Variants in DCBLD1 observed in about 807,000 individuals in gnomAD.
DCBLD1 encodes the protein discoidin, CUB and LCCL domain containing 1.
DCBLD1 carries 57 observed loss-of-function variants against 71.5 expected under a neutral mutation model. The ratio of observed to expected loss-of-function variants is 0.80; its 90% CI spans 0.64 to 0.99. DCBLD1 has a LOEUF of 0.99. DCBLD1 is among the 50% of genes least tolerant of loss of function. The pLI, the probability that DCBLD1 is intolerant of heterozygous loss-of-function variation, is 0.00. For synonymous variants in DCBLD1, 380 were observed against 363.8 expected, an observed-to-expected ratio of 1.04 and a Z score of -0.51; for missense variants, 891 against 923.5, an observed-to-expected ratio of 0.96 and a Z score of 0.46.
At chr6:117,505,340 C>CGG (rs1777803341) in intron 2 of DCBLD1, among the ~76,000 whole-genome samples, 2 of 151,982 alleles carry the variant, frequency 1.3e-5, no homozygotes, top group African/African-American at 4.8e-5. Flanking sequence ...CCTCATTAGC[C>CGG]AGGAGATTTC....
intron 1 of DCBLD1, 79 bp from the exon 2 acceptor site, chr6:117,503,688 G>A: frequency 1.4e-6 from 2 of 1,451,516 alleles, no homozygotes; most frequent in Non-Finnish European, 1.9e-6. Context: ...ATAACTTGGA[G>A]ATTGTATTGG....
At position 117,538,740 on chromosome 6, in the gene DCBLD1, A is replaced by G. The variant is rs1338565971; in HGVS notation, c.881A>G (p.Asp294Gly). The G allele has an allele frequency of 6.2e-7, 1 of 1,614,204 alleles. No individual in the cohort carries two copies. The highest frequency in any genetic ancestry group is 2.2e-5 in the East Asian group (1 of 44,882). Reference sequence around the variant, plus strand: ...TCTCCTGGCCAAGCCCGACTTCAGGACCAAGGCCCATCATGGGCTTCGGGC... The same window carrying G: ...TCTCCTGGCCAAGCCCGACTTCAGGGCCAAGGCCCATCATGGGCTTCGGGC... Reference protein sequence around the residue: ...HWSPGQARLQDQGPSWASGDS... With the variant: ...HWSPGQARLQGQGPSWASGDS... Residue 294 changes from aspartate to glycine, a missense_variant, in exon 8 of 15, where the codon GAC becomes GGC. Asp to Gly is a moderately conservative substitution (Grantham distance 94). Coordinates refer to ENST00000338728, the MANE Select transcript of DCBLD1 (RefSeq NM_001366458.2).
intron 1 of DCBLD1, among the ~76,000 whole-genome samples, chr6:117,498,408 C>T (rs1043359508): frequency 6.6e-6 from 1 of 152,108 alleles, no homozygotes; most frequent in Non-Finnish European, 1.5e-5. Flanking sequence ...AAATTACAGT[C>T]GAAAGGAAGG....
intron 1 of DCBLD1, among the ~76,000 whole-genome samples, chr6:117,490,143 T>C (rs1777241619): frequency 6.6e-6 from 1 of 151,882 alleles, no homozygotes; most frequent in African/African-American, 2.4e-5. Flanking sequence ...CAAATACATG[T>C]GTGTACACAC....
At position 117,544,662 on chromosome 6, in the gene DCBLD1, G is replaced by A; in HGVS notation, c.1495+85G>A. ...GATTGAAAGCATAAGGAGGCCAGTG[G>A]CCCACATTTATTTGGTTAAAAGACA... On this transcript the variant is annotated intron_variant, in intron 13 of 14. Coordinates refer to ENST00000338728, the MANE Select transcript of DCBLD1 (RefSeq NM_001366458.2). 2.0e-6 allele frequency: 3 copies of A among 1,465,452 alleles called. No individual in the cohort carries two copies. In the East Asian group the frequency reaches 6.8e-5, roughly 33 times the overall value. The allele number at this position is 1,465,452 out of a possible 1,614,324, so 90.8% of individuals were successfully genotyped here. A position where few individuals can be genotyped will look rare whatever the true frequency, so the allele number is the denominator to read the frequency against.
At chr6:117,499,528 A>G (rs1029404440) in intron 1 of DCBLD1, among the ~76,000 whole-genome samples, 1 of 152,204 alleles carries the variant, frequency 6.6e-6, no homozygotes, top group African/African-American at 2.4e-5. Context: ...GGCAAACTTG[A>G]TTGACATTAT....
At chr6:117,524,693 AAG>A (rs1244434270) in intron 4 of DCBLD1, among the ~76,000 whole-genome samples, 1 of 151,548 alleles carries the variant, frequency 6.6e-6, no homozygotes, top group Non-Finnish European at 1.5e-5. Flanking sequence ...AAATCAAAAA[AAG>A]AGAAAATATC....
intron 14 of DCBLD1, among the ~76,000 whole-genome samples, chr6:117,564,194 G>C (rs983602210): frequency 2.6e-5 from 4 of 151,946 alleles, no homozygotes; most frequent in Non-Finnish European, 5.9e-5. Flanking sequence ...TGCCCAGGTT[G>C]GTAACTCCTG....
At chr6:117,515,423 T>TA (rs892513465) in intron 2 of DCBLD1, among the ~76,000 whole-genome samples, 18 of 152,264 alleles carry the variant, frequency 1.2e-4, no homozygotes, top group Admixed American at 1.2e-3. Context: ...TGGGTTAATA[T>TA]AAAAAAATGT....
chr6:117,489,957 A>G (rs973969969), intron 1 of DCBLD1, among the ~76,000 whole-genome samples: 2 of 152,252 alleles, frequency 1.3e-5, no homozygotes, highest in Admixed American at 1.3e-4. Flanking sequence ...CCTAATGCTT[A>G]CAACAGAAGC....
intron 1 of DCBLD1, among the ~76,000 whole-genome samples, chr6:117,484,782 C>T (rs1214498234): frequency 6.6e-6 from 1 of 152,060 alleles, no homozygotes; most frequent in Non-Finnish European, 1.5e-5. Flanking sequence ...ATAACTTAAC[C>T]TGAATGTTTA....
intron 14 of DCBLD1, among the ~76,000 whole-genome samples, chr6:117,558,152 C>T (rs1242619460): frequency 2.0e-5 from 3 of 152,214 alleles, no homozygotes; most frequent in Non-Finnish European, 2.9e-5. Context: ...CCTTGACTTT[C>T]ACAAAATAGA....
chr6:117,537,561 TAA>T (rs1037852725), intron 7 of DCBLD1, among the ~76,000 whole-genome samples: 1 of 148,502 alleles, frequency 6.7e-6, no homozygotes, highest in Admixed American at 6.7e-5. Context: ...TTTGATATTT[TAA>T]AAGTCTTCAG....
At position 117,549,528 on chromosome 6, in the gene DCBLD1, G is replaced by A; in HGVS notation, c.*1089G>A. The A allele has an allele frequency of 2.0e-6, 2 of 985,292 alleles. No homozygotes were observed. The highest frequency in any genetic ancestry group is 2.4e-6 in the Non-Finnish European group (2 of 829,912). The allele number at this position is 985,292 out of a possible 1,614,324, so 61.0% of individuals were successfully genotyped here. ...TGAGTTTCTTTTGTGAGTTAACTAT[G>A]GGAGATTTAACCTCTTTTGCCAAAG... On this transcript the variant is annotated 3_prime_UTR_variant, in exon 15 of 15. Transcript: ENST00000338728.
At chr6:117,507,829 A>C (rs1777890084) in intron 2 of DCBLD1, among the ~76,000 whole-genome samples, 2 of 152,202 alleles carry the variant, frequency 1.3e-5, no homozygotes, top group Non-Finnish European at 2.9e-5. Context: ...GGCAGACATA[A>C]TACTACTACT....
At chr6:117,511,008 C>T (rs1325473421) in intron 2 of DCBLD1, among the ~76,000 whole-genome samples, 1 of 152,012 alleles carries the variant, frequency 6.6e-6, no homozygotes, top group African/African-American at 2.4e-5. Flanking sequence ...CAAAGAAGGC[C>T]AACTAACATG....
chr6:117,559,750 C>CTGA (rs1373813396), intron 14 of DCBLD1, among the ~76,000 whole-genome samples: 1 of 152,108 alleles, frequency 6.6e-6, no homozygotes, highest in Non-Finnish European at 1.5e-5. Flanking sequence ...AAATAAAATA[C>CTGA]TGATTAACAA....
At chr6:117,530,106 C>G (rs1423306550) in intron 5 of DCBLD1, among the ~76,000 whole-genome samples, 2 of 152,124 alleles carry the variant, frequency 1.3e-5, no homozygotes, top group Admixed American at 6.5e-5. Context: ...CAGCAGACCA[C>G]TGAACTGATC....
intron 2 of DCBLD1, among the ~76,000 whole-genome samples, chr6:117,505,836 G>A (rs950949894): frequency 1.3e-5 from 2 of 152,116 alleles, no homozygotes; most frequent in Admixed American, 1.3e-4. Flanking sequence ...GAAAAGAATG[G>A]AATTAGCTAC....
Sources: allele counts gnomAD v4.1 joint callset (sites outside exome capture counted in the v4.1 genomes callset), GRCh38; gene constraint gnomAD v4.1.1; transcripts MANE v1.5; gene names NCBI Gene and HGNC (gene_info 2026-07-23, HGNC 2026-07-21).